Variants in CNTLN observed in about 807,000 individuals in gnomAD.
CNTLN encodes centlein, also known as centlein, centrosomal protein.
A neutral mutation model predicts 180.0 loss-of-function variants in CNTLN; 212 were observed. The ratio of observed to expected loss-of-function variants is 1.18; its 90% CI spans 1.05 to 1.32. The LOEUF is 1.32. Ranked by LOEUF, CNTLN falls within the 40% of genes most tolerant of loss-of-function variation. The pLI is 0.00. For missense variants in CNTLN, 2,095 were observed against 1,610.9 expected (o/e 1.30, Z -5.14); for synonymous variants, 722 against 563.1 (o/e 1.28, Z -3.99).
chr9:17,467,800 A>T (rs544990693), intron 23 of CNTLN, among the ~76,000 whole-genome samples: 27 of 151,876 alleles, frequency 1.8e-4, no homozygotes, highest in African/African-American at 6.0e-4. Flanking sequence ...GTGGGAATGT[A>T]AATTAGTTCA....
intron 2 of CNTLN, among the ~76,000 whole-genome samples, chr9:17,155,628 C>T (rs536050850): frequency 6.6e-6 from 1 of 152,286 alleles, no homozygotes; most frequent in African/African-American, 2.4e-5. Flanking sequence ...CCTTGACTGT[C>T]CCAGGTGGAT....
At chr9:17,463,785 C>G (rs950800720) in intron 20 of CNTLN, among the ~76,000 whole-genome samples, 2 of 151,524 alleles carry the variant, frequency 1.3e-5, no homozygotes, top group African/African-American at 4.8e-5. Flanking sequence ...TCCTGGCTTC[C>G]CTACCTACTA....
At chr9:17,225,815 A>G (rs912765848) in intron 2 of CNTLN, among the ~76,000 whole-genome samples, 42 of 152,134 alleles carry the variant, frequency 2.8e-4, no homozygotes, top group African/African-American at 8.4e-4. Context: ...GACTATAAGT[A>G]AATCTCTGTC....
intron 2 of CNTLN, among the ~76,000 whole-genome samples, chr9:17,218,017 A>G (rs1318169269): frequency 6.6e-6 from 1 of 152,158 alleles, no homozygotes; most frequent in Non-Finnish European, 1.5e-5. Flanking sequence ...TCTGTACTCC[A>G]TAATTTACAG....
chr9:17,340,691 T>C, intron 10 of CNTLN, 136 bp from the exon 11 acceptor site: 1 of 606,144 alleles, frequency 1.6e-6, no homozygotes, highest in Non-Finnish European at 2.5e-6. Flanking sequence ...TCTGCTTAAA[T>C]ACATATTACA....
At chr9:17,489,191 G>A (rs1232348817) in intron 25 of CNTLN, among the ~76,000 whole-genome samples, 2 of 151,546 alleles carry the variant, frequency 1.3e-5, no homozygotes, top group Non-Finnish European at 1.5e-5. Context: ...TATTTGTCCT[G>A]AATTTTAGAA....
chr9:17,267,906 C>G (rs1827609319), intron 5 of CNTLN, among the ~76,000 whole-genome samples: 1 of 152,154 alleles, frequency 6.6e-6, no homozygotes, highest in Non-Finnish European at 1.5e-5. Flanking sequence ...TTAAGGACTT[C>G]TCTGCATTAG....
At chr9:17,177,864 C>T (rs966685658) in intron 2 of CNTLN, among the ~76,000 whole-genome samples, 2 of 152,110 alleles carry the variant, frequency 1.3e-5, no homozygotes, top group Admixed American at 1.3e-4. Flanking sequence ...AATGGGTTGC[C>T]ACTGCTGGCT....
chr9:17,323,383 G>GCAC (rs1389716115), intron 8 of CNTLN, among the ~76,000 whole-genome samples: 1 of 152,160 alleles, frequency 6.6e-6, no homozygotes, highest in Admixed American at 6.6e-5. Context: ...AATGGTGCAT[G>GCAC]TGTAGAACAT....
chr9:17,209,395 A>G (rs934701403), intron 2 of CNTLN, among the ~76,000 whole-genome samples: 24 of 152,210 alleles, frequency 1.6e-4, no homozygotes, highest in African/African-American at 5.8e-4. Flanking sequence ...CGTATTCTGG[A>G]CCAGTTGGAT....
chr9:17,268,347 A>G (rs1182910409), intron 5 of CNTLN, among the ~76,000 whole-genome samples: 2 of 152,164 alleles, frequency 1.3e-5, no homozygotes, highest in African/African-American at 4.8e-5. Flanking sequence ...GCTTTAGAAT[A>G]GCGGATATTG....
chr9:17,138,201 G>A (rs1010052670), intron 1 of CNTLN, among the ~76,000 whole-genome samples: 2 of 152,122 alleles, frequency 1.3e-5, no homozygotes, highest in Non-Finnish European at 2.9e-5. Context: ...AAAGGATGCT[G>A]GGGCATGTGT....
chr9:17,195,948 TA>T (rs1337087286), intron 2 of CNTLN, among the ~76,000 whole-genome samples: 1 of 152,182 alleles, frequency 6.6e-6, no homozygotes, highest in Admixed American at 6.5e-5. Flanking sequence ...AATTTTATTA[TA>T]AGGAATTTTG....
At chr9:17,193,130 G>A (rs1821897356) in intron 2 of CNTLN, among the ~76,000 whole-genome samples, 2 of 152,112 alleles carry the variant, frequency 1.3e-5, no homozygotes, top group African/African-American at 4.8e-5. Context: ...CCTACAACCT[G>A]TGGGAATTAT....
Position 17,226,249 on chromosome 9 carries a change from C to G in CNTLN, c.496C>G (p.Leu166Val). 6.3e-7 allele frequency: 1 copy of G among 1,580,684 alleles called. No homozygotes were observed. The highest frequency in any genetic ancestry group is 2.3e-5 in the East Asian group (1 of 43,328). ...TAAAGACAGAAAAGTTCTAGAAATT[C>G]TGCAAGTCAAGGATGCCAAAATACA... ...EAKDRKVLEI[L>V]QVKDAKIQEF... is the part of the protein sequence containing the mutation. The change falls in exon 3 of 26, where the codon CTG becomes GTG. Residue 166 changes from leucine to valine, a missense_variant. Physicochemically the swap from Leu to Val is conservative, Grantham distance 32. Coordinates refer to ENST00000380647, the MANE Select transcript of CNTLN (RefSeq NM_017738.4).
intron 5 of CNTLN, among the ~76,000 whole-genome samples, chr9:17,268,323 TATC>T (rs1189507496): frequency 6.6e-6 from 1 of 152,146 alleles, no homozygotes; most frequent in Non-Finnish European, 1.5e-5. Flanking sequence ...TTTGCCTGGG[TATC>T]AGCAGCGGTG....
intron 2 of CNTLN, among the ~76,000 whole-genome samples, chr9:17,148,987 G>C (rs1347320723): frequency 6.6e-6 from 1 of 151,964 alleles, no homozygotes; most frequent in East Asian, 1.9e-4. Flanking sequence ...CCTCCGACAG[G>C]ACCCAGTGTG....
intron 5 of CNTLN, among the ~76,000 whole-genome samples, chr9:17,237,762 T>C (rs966624104): frequency 6.6e-6 from 1 of 151,984 alleles, no homozygotes; most frequent in South Asian, 2.1e-4. Context: ...TGTGTGTATA[T>C]GCATGTGTGC....
intron 3 of CNTLN, among the ~76,000 whole-genome samples, chr9:17,231,491 G>C (rs1824813159): frequency 6.6e-6 from 1 of 151,902 alleles, no homozygotes; most frequent in African/African-American, 2.4e-5. Context: ...TTCCCTTCTA[G>C]TATTGTGCTT....
Sources: allele counts gnomAD v4.1 joint callset (sites outside exome capture counted in the v4.1 genomes callset), GRCh38; gene constraint gnomAD v4.1.1; transcripts MANE v1.5; gene names NCBI Gene and HGNC (gene_info 2026-07-23, HGNC 2026-07-21).